HORMAD1: variants seen among roughly 807,000 people sequenced by gnomAD.
The protein encoded by HORMAD1 is HORMA domain-containing protein 1.
In HORMAD1, 33 loss-of-function variants were observed where a neutral mutation model predicts 58.2. The observed-to-expected ratio is 0.57, with a 90% confidence interval of 0.43 to 0.76. HORMAD1 has a LOEUF of 0.76. Ranked by LOEUF, HORMAD1 falls within the 30% of genes least tolerant of loss-of-function variation. HORMAD1 has a pLI of 0.00. For missense variants in HORMAD1, 363 were observed against 462.0 expected (o/e 0.79, Z 1.96); for synonymous variants, 137 against 144.6 (o/e 0.95, Z 0.38).
rs1271728306 is a variant in HORMAD1 at position 150,704,131 on chromosome 1, A to C, written c.935T>G (p.Ile312Ser). Residue 312 changes from isoleucine (I) to serine (S), a missense_variant, in exon 12 of 15, where the codon ATT becomes AGT. Physicochemically the swap from Ile to Ser is moderately radical, Grantham distance 142. Coordinates refer to ENST00000361824, the MANE Select transcript of HORMAD1 (RefSeq NM_032132.5). ...MRSKESPDLS[I>S]SHSQVEQLVN... is the part of the protein sequence containing the mutation. ...TCAAGTTTATACCTGAGAATGAGAA[A>C]TAGAAAGATCTGGACTTTCTTTAGA... The C allele has an allele frequency of 6.3e-7, 1 of 1,591,628 alleles. No homozygotes were observed. Among genetic ancestry groups the C allele is most frequent in the African/African-American group, 1.4e-5 (1 of 73,638 alleles).
At chr1:150,710,549 T>C (rs587597062) in intron 7 of HORMAD1, among the ~76,000 whole-genome samples, 2 of 152,300 alleles carry the variant, frequency 1.3e-5, no homozygotes, top group South Asian at 2.1e-4. Flanking sequence ...CTATATAACA[T>C]ATGAAAATAA....
intron 10 of HORMAD1, 34 bp downstream of exon 10, chr1:150,706,519 T>C: frequency 1.3e-6 from 2 of 1,510,968 alleles, no homozygotes; most frequent in Non-Finnish European, 1.8e-6. Flanking sequence ...ACATTTGTTA[T>C]TATTGTTCTT....
At chr1:150,706,909 T>C in intron 9 of HORMAD1, 100 bp from the exon 10 acceptor site, 2 of 984,396 alleles carry the variant, frequency 2.0e-6, no homozygotes, top group South Asian at 2.0e-5. Flanking sequence ...TCAAATAGTA[T>C]ATAAGGGCAT....
At position 150,719,478 on chromosome 1, in the gene HORMAD1, G is replaced by C; in HGVS notation, c.28C>G (p.Pro10Ala). The change falls in exon 2 of 15, where the codon CCC becomes GCC. Residue 10 changes from proline to alanine, a missense_variant. By Grantham distance (27) the Pro-to-Ala change is conservative (BLOSUM62 -1). Transcript: ENST00000361824. MATAQLQRT[P>A]MSALVFPNKI... is the part of the protein sequence containing the mutation. ...CAAAATACAAGAAATCATACCATGG[G>C]AGTCCTCTGCAACTGGGCAGTGGCC... The C allele has an allele frequency of 9.5e-6, 15 of 1,574,002 alleles. No homozygotes were observed. Among genetic ancestry groups the C allele is most frequent in the Non-Finnish European group, 1.3e-5 (15 of 1,155,088 alleles).
chr1:150,703,688 G>A (rs1651602975), intron 12 of HORMAD1, among the ~76,000 whole-genome samples: 1 of 152,118 alleles, frequency 6.6e-6, no homozygotes, highest in Non-Finnish European at 1.5e-5. Context: ...GCTGGGCAGA[G>A]GAAGACAGAC....
At chr1:150,701,255 G>T (rs1289583594) in intron 13 of HORMAD1, among the ~76,000 whole-genome samples, 2 of 152,048 alleles carry the variant, frequency 1.3e-5, no homozygotes, top group African/African-American at 4.8e-5. Flanking sequence ...CCTAGTAAAG[G>T]TTATTCATCC....
At chr1:150,711,592 A>C in intron 6 of HORMAD1, 21 bp from the exon 7 acceptor site, 1 of 1,577,664 alleles carries the variant, frequency 6.3e-7, no homozygotes. Context: ...ACAATTTACA[A>C]TTGAGTTATC....
chr1:150,707,435 C>T (rs1475999517), intron 9 of HORMAD1, among the ~76,000 whole-genome samples: 1 of 152,174 alleles, frequency 6.6e-6, no homozygotes, highest in Non-Finnish European at 1.5e-5. Context: ...ATGAAGGACA[C>T]TGAAGTTGTT....
At chr1:150,711,936 A>C (rs1651917162) in intron 5 of HORMAD1, 83 bp from the exon 6 acceptor site, 26 of 920,372 alleles carry the variant, frequency 2.8e-5, no homozygotes, top group South Asian at 1.3e-4. Flanking sequence ...TCTTTGTCCT[A>C]TTTCAACATG....
chr1:150,703,203 T>C (rs1207356382), intron 13 of HORMAD1, 107 bp downstream of exon 13: 2 of 665,256 alleles, frequency 3.0e-6, no homozygotes, highest in Non-Finnish European at 5.3e-6. Flanking sequence ...TGACACATAA[T>C]AGGTACTTAG....
chr1:150,710,031 C>A lies in HORMAD1; in HGVS notation c.328-1070G>T, dbSNP rs587754384. ...TTACTAAAATAATGAAGATAATAATCAATAAAAACTGAGGGAACTCAGAGA... is the reference window on the plus strand; with the variant it reads ...TTACTAAAATAATGAAGATAATAATAAATAAAAACTGAGGGAACTCAGAGA... On this transcript the variant is annotated intron_variant, in intron 7 of 14. Coordinates refer to ENST00000361824, the MANE Select transcript of HORMAD1 (RefSeq NM_032132.5). Among the ~76,000 whole-genome samples the A allele has an allele frequency of 4.0e-5, 6 of 150,214 alleles. No individual in the cohort carries two copies. The East Asian group carries it at 9.8e-4, about 25-fold the overall frequency.
At position 150,716,150 on chromosome 1, in the gene HORMAD1, CTTTTTTTTTTTT is replaced by C. The variant is rs752800084; in HGVS notation, c.178+976_178+987del. Among the ~76,000 whole-genome samples, 9 of 68,774 alleles carry C rather than the reference CTTTTTTTTTTTT, an allele frequency of 1.3e-4. No homozygotes were observed. In the South Asian group the frequency reaches 2.9e-3, roughly 22 times the overall value. The allele number at this position is 68,774 out of a possible 152,430, so 45.1% of individuals were successfully genotyped here. A position where few individuals can be genotyped will look rare whatever the true frequency, so the allele number is the denominator to read the frequency against. ...AGTGAAAGCCAGTCACAAAGGACCA[CTTTTTTTTTTTT>C]TTTTTTTTTTTTTTTTTTTGAGACT... On this transcript the variant is annotated intron_variant, in intron 3 of 14. Coordinates refer to ENST00000361824, the MANE Select transcript of HORMAD1 (RefSeq NM_032132.5).
intron 2 of HORMAD1, among the ~76,000 whole-genome samples, chr1:150,717,867 G>A (rs923226754): frequency 6.6e-6 from 1 of 152,038 alleles, no homozygotes; most frequent in African/African-American, 2.4e-5. Context: ...AATTGCTTGA[G>A]CCCAGGAGGC....
chr1:150,710,849 A>G (rs1181289821), intron 7 of HORMAD1, among the ~76,000 whole-genome samples: 1 of 152,222 alleles, frequency 6.6e-6, no homozygotes, highest in Non-Finnish European at 1.5e-5. Flanking sequence ...GCTATAGCGT[A>G]ATGGGTAAAC....
rs1412684884 is a variant in HORMAD1, at chr1:150,698,561, ATATACAT to A, written c.*86_*92del. On this transcript the variant is annotated 3_prime_UTR_variant, in exon 15 of 15. Coordinates refer to ENST00000361824, the MANE Select transcript of HORMAD1 (RefSeq NM_032132.5). ...TAGTGTACAAACTGCTTTAAACTAC[ATATACAT>A]CTTCAGAGTTAGGGAAATATAATAT... is the stretch of plus-strand genomic sequence containing the variant. 1.5e-6 allele frequency: 1 copy of A among 658,946 alleles called. No individual in the cohort carries two copies. Among genetic ancestry groups the A allele is most frequent in the Non-Finnish European group, 2.6e-6 (1 of 384,298 alleles). The allele number at this position is 658,946 out of a possible 1,614,324, so 40.8% of individuals were successfully genotyped here. A position where few individuals can be genotyped will look rare whatever the true frequency, so the allele number is the denominator to read the frequency against.
At chr1:150,707,489 T>C (rs1651730439) in intron 9 of HORMAD1, among the ~76,000 whole-genome samples, 1 of 152,240 alleles carries the variant, frequency 6.6e-6, no homozygotes, top group Non-Finnish European at 1.5e-5. Context: ...TCAAAATCCT[T>C]ATATAACTTT....
intron 3 of HORMAD1, among the ~76,000 whole-genome samples, chr1:150,715,444 G>T (rs1381216511): frequency 6.6e-6 from 1 of 152,172 alleles, no homozygotes; most frequent in Non-Finnish European, 1.5e-5. Flanking sequence ...ACAGGTATTT[G>T]TAAGACTGCT....
intron 3 of HORMAD1, among the ~76,000 whole-genome samples, chr1:150,716,573 A>T (rs982787881): frequency 6.6e-6 from 1 of 152,108 alleles, no homozygotes; most frequent in Non-Finnish European, 1.5e-5. Context: ...GGGGAAGTGC[A>T]CAGTGCCTTA....
intron 7 of HORMAD1, among the ~76,000 whole-genome samples, chr1:150,709,599 T>G (rs1651800124): frequency 6.6e-6 from 1 of 151,702 alleles, no homozygotes; most frequent in Non-Finnish European, 1.5e-5. Flanking sequence ...CCTTGTGGGA[T>G]GAGAAAGACC....
Sources: gnomAD v4.1 joint callset for allele counts (sites outside exome capture counted in the v4.1 genomes callset) on GRCh38, gnomAD v4.1.1 for gene constraint, MANE v1.5 for transcripts, NCBI Gene and HGNC (gene_info 2026-07-23, HGNC 2026-07-21) for gene names.